MORN1: variants seen among roughly 807,000 people sequenced by gnomAD.
MORN1 encodes MORN repeat-containing protein 1.
In MORN1, 67 loss-of-function variants were observed where a neutral mutation model predicts 61.9. The observed-to-expected ratio is 1.08, with a 90% CI of 0.89 to 1.33. The LOEUF is 1.33. MORN1 is among the 40% of genes most tolerant of loss of function. The probability of loss-of-function intolerance (pLI) is 0.00; values close to 1 mark genes in which losing one functional copy is unlikely to be tolerated. For synonymous variants in MORN1, 301 were observed against 292.0 expected (o/e 1.03, Z -0.31); for missense variants, 752 against 691.2 (o/e 1.09, Z -0.99).
chr1:2,348,912 G>A (rs1276681509), intron 10 of MORN1, among the ~76,000 whole-genome samples: 1 of 150,770 alleles, frequency 6.6e-6, no homozygotes, highest in Non-Finnish European at 1.5e-5. Flanking sequence ...CAAACGCACA[G>A]GTTCACTTTC....
At chr1:2,329,998 AG>A (rs1359087324) in intron 12 of MORN1, among the ~76,000 whole-genome samples, 1 of 152,074 alleles carries the variant, frequency 6.6e-6, no homozygotes, top group Non-Finnish European at 1.5e-5. Context: ...GCTCCGGGTG[AG>A]GGGGGACCCT....
At chr1:2,325,040 C>A (rs1464505240) in intron 12 of MORN1, among the ~76,000 whole-genome samples, 3 of 151,084 alleles carry the variant, frequency 2.0e-5, no homozygotes, top group East Asian at 2.0e-4. Context: ...TGTGGACACC[C>A]ACCCTCCTCC....
In MORN1 at chr1:2,379,309, T is replaced by C. The variant is rs116379870; in HGVS notation, c.538-4752A>G. 3,521 of 375,824 alleles carry C rather than the reference T, an allele frequency of 9.4e-3. 46 individuals carry two copies. Among genetic ancestry groups the C allele is most frequent in the South Asian group, 0.028 (1,350 of 48,356 alleles). 23.3% of individuals were successfully genotyped at this position (375,824 alleles called of 1,614,324 possible). On this transcript the variant is annotated intron_variant, in intron 6 of 13. Coordinates refer to ENST00000378531, the MANE Select transcript of MORN1 (RefSeq NM_024848.3). ...GAGAGAGAAGAAAGGACTTACCACTTTCTAGTCTTTTCAGAACATAAAATG... is the reference window on the plus strand; with the variant it reads ...GAGAGAGAAGAAAGGACTTACCACTCTCTAGTCTTTTCAGAACATAAAATG...
intron 13 of MORN1, chr1:2,322,534 T>C (rs1460022731): frequency 1.0e-6 from 1 of 984,566 alleles, no homozygotes; most frequent in African/African-American, 1.8e-5. Context: ...GGAATGTGCT[T>C]GGCCCCGAGT....
chr1:2,364,876 C>G (rs376497450), intron 8 of MORN1, among the ~76,000 whole-genome samples: 2 of 151,798 alleles, frequency 1.3e-5, no homozygotes, highest in East Asian at 3.9e-4. Flanking sequence ...GTTGTAGATA[C>G]GCAGCGTTAT....
In MORN1 at chr1:2,321,526, T is replaced by C. The variant is rs1395883448; in HGVS notation, c.1351A>G (p.Arg451Gly). 3.3e-6 allele frequency: 5 copies of C among 1,536,412 alleles called. No homozygotes were observed. In the East Asian group the frequency reaches 1.2e-4, roughly 37 times the overall value. Residue 451 changes from arginine (R) to glycine (G), a missense_variant, in exon 14 of 14, where the codon AGG becomes GGG. Coordinates refer to ENST00000378531, the MANE Select transcript of MORN1 (RefSeq NM_024848.3). ...AGGTGTTTGAAGGCCGGGGGCAGCC[T>C]GCGCCCCAGGAACGGCGGGGTGGTC... is the stretch of plus-strand genomic sequence containing the variant. The part of the protein sequence containing the change: ...DVTTPPFLGR[R>G]LPPAFKHLRV...
In MORN1 at chr1:2,336,712, C is replaced by A; in HGVS notation, c.1170+5G>T. On this transcript the variant is annotated splice_donor_5th_base_variant and intron_variant, in intron 11 of 13. Transcript: ENST00000378531. ...GTGGCCTCCCCGCCCCCCGTGGGCACCCACCTTGTGGAGGCTGTCCAGGAA... is the reference window on the plus strand; with the variant it reads ...GTGGCCTCCCCGCCCCCCGTGGGCAACCACCTTGTGGAGGCTGTCCAGGAA... The A allele has an allele frequency of 6.4e-7, 1 of 1,556,776 alleles. No homozygotes were observed. The highest frequency in any genetic ancestry group is 1.2e-5 in the South Asian group (1 of 82,134).
At position 2,385,554 on chromosome 1, in the gene MORN1, G is replaced by GC. The variant is rs1054029608; in HGVS notation, c.449+252_449+253insG. The GC allele has an allele frequency of 2.0e-5, 7 of 344,924 alleles. 2 individuals are homozygous for GC. Among genetic ancestry groups the GC allele is most frequent in the African/African-American group, 6.3e-5 (3 of 47,880 alleles). The allele number at this position is 344,924 out of a possible 1,614,324, so 21.4% of individuals were successfully genotyped here. On this transcript the variant is annotated intron_variant, in intron 5 of 13. Coordinates refer to ENST00000378531, the MANE Select transcript of MORN1 (RefSeq NM_024848.3). ...TTCTCAGGAGGTATTTTAATCGGGGGGGGGGGGGATGTTTTATCTAAACAC... is the reference window on the plus strand; with the variant it reads ...TTCTCAGGAGGTATTTTAATCGGGGGCGGGGGGGGATGTTTTATCTAAACAC...
chr1:2,365,276 C>T (rs1333099686), intron 8 of MORN1, among the ~76,000 whole-genome samples: 5 of 148,006 alleles, frequency 3.4e-5, no homozygotes, highest in East Asian at 2.0e-4. Flanking sequence ...AGGTCCTTCA[C>T]GTCCCTTGTA....
chr1:2,347,562 G>A (rs1641543865), intron 10 of MORN1, among the ~76,000 whole-genome samples: 1 of 152,118 alleles, frequency 6.6e-6, no homozygotes, highest in Non-Finnish European at 1.5e-5. Flanking sequence ...GGCCATTGCT[G>A]GACAGGCCCC....
chr1:2,365,923 T>C (rs1641986379), intron 8 of MORN1, among the ~76,000 whole-genome samples: 1 of 144,022 alleles, frequency 6.9e-6, no homozygotes. Flanking sequence ...GTGTGGCGAT[T>C]CCTCAGGGAT....
chr1:2,358,800 T>G, intron 8 of MORN1, 85 bp from the exon 9 acceptor site: 1 of 1,507,836 alleles, frequency 6.6e-7, no homozygotes, highest in Non-Finnish European at 9.0e-7. Context: ...TCTGGGACGC[T>G]GTGTTTATAA....
intron 8 of MORN1, among the ~76,000 whole-genome samples, chr1:2,360,625 C>T (rs1415803485): frequency 6.6e-6 from 1 of 152,054 alleles, no homozygotes; most frequent in African/African-American, 2.4e-5. Context: ...AGAGAGAGGA[C>T]CCTGAGTAGA....
intron 10 of MORN1, among the ~76,000 whole-genome samples, chr1:2,339,276 C>T (rs1314854432): frequency 6.6e-6 from 1 of 152,226 alleles, no homozygotes. Flanking sequence ...TCACCTCCCC[C>T]TCCCTCAGGC....
intron 5 of MORN1, 175 bp downstream of exon 5, chr1:2,385,632 C>T (rs1642478952): frequency 1.7e-6 from 1 of 583,694 alleles, no homozygotes. Context: ...AACACCGAAA[C>T]CACAGAATGT....
intron 13 of MORN1, chr1:2,322,546 A>G: frequency 1.0e-6 from 1 of 984,518 alleles, no homozygotes; most frequent in Non-Finnish European, 1.2e-6. Context: ...GCCCCGAGTC[A>G]GCTCCTTTAG....
chr1:2,389,145 C>T (rs1457459841), intron 2 of MORN1, among the ~76,000 whole-genome samples: 6 of 149,638 alleles, frequency 4.0e-5, no homozygotes, highest in African/African-American at 1.5e-4. Context: ...AGAAACAAAA[C>T]TGGCAGAGAG....
At chr1:2,380,800 C>T (rs766845410) in intron 6 of MORN1, among the ~76,000 whole-genome samples, 1 of 152,212 alleles carries the variant, frequency 6.6e-6, no homozygotes, top group Non-Finnish European at 1.5e-5. Flanking sequence ...AAGCAGTCCT[C>T]CCACCTCGGC....
At chr1:2,330,244 G>A (rs1641120392) in intron 12 of MORN1, among the ~76,000 whole-genome samples, 1 of 152,220 alleles carries the variant, frequency 6.6e-6, no homozygotes, top group Non-Finnish European at 1.5e-5. Context: ...GCCACCCTGA[G>A]TCCTGTCCCT....
Sources: gnomAD v4.1 joint callset for allele counts (sites outside exome capture counted in the v4.1 genomes callset) on GRCh38, gnomAD v4.1.1 for gene constraint, MANE v1.5 for transcripts, NCBI Gene and HGNC (gene_info 2026-07-23, HGNC 2026-07-21) for gene names.